Variants in SHANK1 observed in about 807,000 individuals in gnomAD.
The protein encoded by SHANK1 is SH3 and multiple ankyrin repeat domains 1.
Under a neutral mutation model 165.6 loss-of-function variants are expected in SHANK1, and 35 were observed. The observed-to-expected ratio is 0.21, with a 90% CI of 0.16 to 0.28. The LOEUF is 0.28. Among genes scored for constraint, SHANK1 ranks in the 10% least tolerant of loss-of-function variants. The probability of loss-of-function intolerance (pLI) is 1.00; values close to 1 mark genes in which losing one functional copy is unlikely to be tolerated. For missense variants in SHANK1, 2,681 were observed against 3,036.4 expected (o/e 0.88, Z 2.75); for synonymous variants, 1,428 against 1,384.8 (o/e 1.03, Z -0.69).
chr19:50,693,960 G>C (rs2123149113), intron 15 of SHANK1, among the ~76,000 whole-genome samples: 1 of 151,890 alleles, frequency 6.6e-6, no homozygotes, highest in East Asian at 1.9e-4. Flanking sequence ...CCAGGCCCAG[G>C]AGGGTGGGTG....
Position 50,695,215 on chromosome 19 carries a change from G to A in SHANK1, c.1964+1881C>T, listed in dbSNP as rs1342535589. ...GGGGAGGGGGCGCGCACCCCCTCCC[G>A]CGGGAGGGAGGGCAGGGCCGGGGGC... is the stretch of plus-strand genomic sequence containing the variant. On this transcript the variant is annotated intron_variant, in intron 15 of 23. Coordinates refer to ENST00000293441, the MANE Select transcript of SHANK1 (RefSeq NM_016148.5). Among the ~76,000 whole-genome samples the A allele has an allele frequency of 3.5e-5, 5 of 140,870 alleles. No homozygotes were observed. The South Asian group carries it at 1.1e-3, about 32-fold the overall frequency. 92.4% of individuals were successfully genotyped at this position (140,870 alleles called of 152,430 possible).
At position 50,687,645 on chromosome 19, in the gene SHANK1, G is replaced by A. The variant is rs368845485; in HGVS notation, c.2326C>T (p.Arg776Trp). The A allele has an allele frequency of 6.6e-6, 10 of 1,506,560 alleles. No individual in the cohort carries two copies. Among genetic ancestry groups the A allele is most frequent in the South Asian group, 2.7e-5 (2 of 75,092 alleles). 93.3% of individuals were successfully genotyped at this position (1,506,560 alleles called of 1,614,324 possible). Residue 776 changes from arginine to tryptophan, a missense_variant, in exon 19 of 24, where the codon CGG (arginine) becomes TGG (tryptophan). Physicochemically the swap from Arg to Trp is moderately radical, Grantham distance 101. This residue lies in a region of SHANK1 where 206 missense variants were observed against 216.0 expected (regional missense o/e 0.95). Coordinates refer to ENST00000293441, the MANE Select transcript of SHANK1 (RefSeq NM_016148.5). ...VHKKAPQQAK[R>W]LPPPTISLRS... ...AGGGAGATGGTTGGGGGCGGCAGCC[G>A]CTTGGCCTGCTGGGGTGCTGAAAAG... is the stretch of plus-strand genomic sequence containing the variant.
chr19:50,674,860 G>A (rs1466766907), intron 21 of SHANK1, among the ~76,000 whole-genome samples: 1 of 151,916 alleles, frequency 6.6e-6, no homozygotes, highest in Non-Finnish European at 1.5e-5. Context: ...TCAGGAGTTC[G>A]AAACCAGCCT....
chr19:50,669,019 C>G lies in SHANK1; in HGVS notation c.2941G>C (p.Gly981Arg). Residue 981 changes from glycine (G) to arginine (R), a missense_variant, in exon 23 of 24, where the codon GGG becomes CGG. Physicochemically the swap from Gly to Arg is moderately radical, Grantham distance 125. Around this residue, in one of 10 missense-constraint regions of SHANK1, gnomAD observed 1,713 missense variants for 1,630.2 expected, o/e 1.05. Coordinates refer to ENST00000293441, the MANE Select transcript of SHANK1 (RefSeq NM_016148.5). ...TGGTACAGGCTCTTCTCGCGGCTCCCCACGCGAGTGTCGGGAGGGGAGGGC... is the reference window on the plus strand; with the variant it reads ...TGGTACAGGCTCTTCTCGCGGCTCCGCACGCGAGTGTCGGGAGGGGAGGGC... ...DGPSPPDTRV[G>R]SREKSLYHSG... 1.2e-6 allele frequency: 1 copy of G among 852,612 alleles called. No individual in the cohort carries two copies. The highest frequency in any genetic ancestry group is 1.8e-6 in the Non-Finnish European group (1 of 570,138). 52.8% of individuals were successfully genotyped at this position (852,612 alleles called of 1,614,324 possible).
rs1194050777 is a variant in SHANK1, at chr19:50,668,092, C to T, written c.3868G>A (p.Glu1290Lys). Residue 1290 changes from glutamate (E) to lysine (K), a missense_variant, in exon 23 of 24, where the codon GAG (glutamate) becomes AAG (lysine). Physicochemically the swap from Glu to Lys is moderately conservative, Grantham distance 56. Transcript: ENST00000293441. ...PRLRHSKSID[E>K]GMFSAEPYLR... ...TAGGGCTCGGCGGAGAACATGCCCT[C>T]GTCGATGGATTTGGAGTGGCGCAGC... 2.0e-6 allele frequency: 3 copies of T among 1,480,912 alleles called. No homozygotes were observed. The highest frequency in any genetic ancestry group is 2.7e-6 in the Non-Finnish European group (3 of 1,121,134). 91.7% of individuals were successfully genotyped at this position (1,480,912 alleles called of 1,614,324 possible). A position where few individuals can be genotyped will look rare whatever the true frequency, so the allele number is the denominator to read the frequency against.
intron 4 of SHANK1, 25 bp from the exon 5 acceptor site, chr19:50,714,315 A>G: frequency 1.9e-6 from 3 of 1,603,682 alleles, no homozygotes; most frequent in Non-Finnish European, 2.6e-6. Flanking sequence ...AAGAGAGAGA[A>G]GACAGGACAG....
chr19:50,666,821 C>T lies in SHANK1; in HGVS notation c.5139G>A (p.Gly1713=). ...EGGGSAGGGG[G]AGAGVASGPE... ...GCCCACTGGCCACACCGGCCCCAGC[C>T]CCGCCCCCACCCCCTGCGCTGCCAC... is the stretch of plus-strand genomic sequence containing the variant. Residue 1713 remains glycine (G), a synonymous_variant, in exon 23 of 24, where the codon GGG becomes GGA. Transcript: ENST00000293441. 1 of 1,549,760 alleles carries T rather than the reference C, an allele frequency of 6.5e-7. No individual in the cohort carries two copies. Among genetic ancestry groups the T allele is most frequent in the Non-Finnish European group, 8.7e-7 (1 of 1,147,620 alleles).
rs977528087 is a variant in SHANK1 at position 50,717,532 on chromosome 19, A to G, written c.-43-570T>C. Among the ~76,000 whole-genome samples, 5 of 152,154 alleles carry G rather than the reference A, an allele frequency of 3.3e-5. No homozygotes were observed. Among genetic ancestry groups the G allele is most frequent in the Non-Finnish European group, 4.4e-5 (3 of 68,034 alleles). On this transcript the variant is annotated intron_variant, in intron 1 of 23. Coordinates refer to ENST00000293441, the MANE Select transcript of SHANK1 (RefSeq NM_016148.5). This position sits in a 1 kb window ranked among gnomAD's most constrained non-coding sequence, Gnocchi z 5.5. Reference sequence around the variant, plus strand: ...TCAAGTGTGGCTGACAACGCGTGGCATGCCGAATAGTGCTGGGGAATCTGC... The same window carrying G: ...TCAAGTGTGGCTGACAACGCGTGGCGTGCCGAATAGTGCTGGGGAATCTGC...
At chr19:50,707,057 C>G (rs1400034597) in intron 8 of SHANK1, among the ~76,000 whole-genome samples, 3 of 152,196 alleles carry the variant, frequency 2.0e-5, no homozygotes, top group Non-Finnish European at 4.4e-5. Context: ...GGATAACAGG[C>G]ATGAGCCACC....
intron 21 of SHANK1, among the ~76,000 whole-genome samples, chr19:50,674,242 G>C (rs1985903941): frequency 6.6e-6 from 1 of 152,056 alleles, no homozygotes; most frequent in Non-Finnish European, 1.5e-5. Context: ...TGTTCTACAA[G>C]CAAGTGTTAG....
chr19:50,695,781 G>A (rs1365359508), intron 15 of SHANK1, among the ~76,000 whole-genome samples: 2 of 152,152 alleles, frequency 1.3e-5, no homozygotes, highest in Middle Eastern at 3.4e-3. Flanking sequence ...GGGCCCCAAG[G>A]CCATGAGCAA....
chr19:50,660,901 G>A lies in SHANK1; in HGVS notation c.*1064C>T, dbSNP rs778135825. Among the ~76,000 whole-genome samples, 119 of 139,542 alleles carry A rather than the reference G, an allele frequency of 8.5e-4. No homozygotes were observed. The highest frequency in any genetic ancestry group is 5.6e-4 in the Non-Finnish European group (37 of 65,722). 91.5% of individuals were successfully genotyped at this position (139,542 alleles called of 152,430 possible). On this transcript the variant is annotated 3_prime_UTR_variant, in exon 24 of 24. Coordinates refer to ENST00000293441, the MANE Select transcript of SHANK1 (RefSeq NM_016148.5). ...TGGGAGGCAAGTGTGCAAAAGGCGT[G>A]ACCAAAAGTGACGGTGCAAAAGGGG...
chr19:50,716,954 C>G lies in SHANK1; in HGVS notation c.-35G>C. The G allele has an allele frequency of 2.1e-6, 3 of 1,414,646 alleles. No homozygotes were observed. Among genetic ancestry groups the G allele is most frequent in the Non-Finnish European group, 2.8e-6 (3 of 1,086,812 alleles). 87.6% of individuals were successfully genotyped at this position (1,414,646 alleles called of 1,614,324 possible). On this transcript the variant is annotated 5_prime_UTR_variant, in exon 2 of 24. Coordinates refer to ENST00000293441, the MANE Select transcript of SHANK1 (RefSeq NM_016148.5). The surrounding 1 kb of genome is among the most constrained non-coding windows in gnomAD (Gnocchi z 8.4). ...ACGGGGCGACGGGGGACGGCAGCAT[C>G]ACAGGCGGCTGCAGGGGCCAAGGGC...
In SHANK1 at chr19:50,689,183, C is replaced by G. The variant is rs183624816; in HGVS notation, c.2047+14G>C. The G allele has an allele frequency of 3.1e-6, 5 of 1,598,526 alleles. No homozygotes were observed. In the South Asian group the frequency reaches 4.4e-5, roughly 14 times the overall value. On this transcript the variant is annotated intron_variant, in intron 16 of 23. Transcript: ENST00000293441. ...CAGAGCCCTTCTCCCATCCCCTCCC[C>G]GGCTGGCACTCACCCTTGGCCCCCC...
At chr19:50,712,602 C>T (rs1190313688) in intron 6 of SHANK1, among the ~76,000 whole-genome samples, 2 of 152,190 alleles carry the variant, frequency 1.3e-5, no homozygotes, top group Non-Finnish European at 2.9e-5. Flanking sequence ...AGGATCGGGC[C>T]GGCCTCACTG....
chr19:50,716,590 C>G lies in SHANK1; in HGVS notation c.255+75G>C, dbSNP rs940880148. The G allele has an allele frequency of 2.6e-5, 41 of 1,556,094 alleles. No homozygotes were observed. The highest frequency in any genetic ancestry group is 3.4e-5 in the Non-Finnish European group (39 of 1,146,324). Reference sequence around the variant, plus strand: ...GTGGGGGTGATTCCTGGGAGGATACCCAGCACCAGTGGACTCCCCATGTCG... The same window carrying G: ...GTGGGGGTGATTCCTGGGAGGATACGCAGCACCAGTGGACTCCCCATGTCG... On this transcript the variant is annotated intron_variant, in intron 2 of 23. Coordinates refer to ENST00000293441, the MANE Select transcript of SHANK1 (RefSeq NM_016148.5). This position sits in a 1 kb window ranked among gnomAD's most constrained non-coding sequence, Gnocchi z 8.4.
At position 50,686,766 on chromosome 19, in the gene SHANK1, C is replaced by T. The variant is rs1264805175; in HGVS notation, c.2436G>A (p.Arg812=). ...PAPVPSMEKK[R]TVYQMALNKL... ...TACTGAGAGCCATCTGATACACGGTCCGCTTTTTCTCCATGCTGGGCACCG... is the reference window on the plus strand; with the variant it reads ...TACTGAGAGCCATCTGATACACGGTTCGCTTTTTCTCCATGCTGGGCACCG... The change falls in exon 20 of 24, where the codon CGG becomes CGA. Residue 812 remains arginine (R), a synonymous_variant. Transcript: ENST00000293441. The surrounding 1 kb of genome is among the most constrained non-coding windows in gnomAD (Gnocchi z 5.7). 1.2e-6 allele frequency: 2 copies of T among 1,613,826 alleles called. No homozygotes were observed. The highest frequency in any genetic ancestry group is 8.5e-7 in the Non-Finnish European group (1 of 1,179,818).
At position 50,665,766 on chromosome 19, in the gene SHANK1, G is replaced by C. The variant is rs529342176; in HGVS notation, c.5768+426C>G. On this transcript the variant is annotated intron_variant, in intron 23 of 23. Transcript: ENST00000293441. ...AAAAAAAAAAAAGCCAGGCATGTTGGCTCATGCCTGTAATCCCAGCACTTT... is the reference window on the plus strand; with the variant it reads ...AAAAAAAAAAAAGCCAGGCATGTTGCCTCATGCCTGTAATCCCAGCACTTT... 2.4e-3 allele frequency among the ~76,000 whole-genome samples: 269 copies of C among 114,144 alleles called. 1 individual carries two copies. The highest frequency in any genetic ancestry group is 9.3e-3 in the African/African-American group (257 of 27,492). 74.9% of individuals were successfully genotyped at this position (114,144 alleles called of 152,430 possible).
intron 23 of SHANK1, chr19:50,663,198 C>G (rs1386802211): frequency 6.2e-6 from 1 of 160,540 alleles, no homozygotes; most frequent in African/African-American, 2.4e-5. Context: ...CCAGTCGTAG[C>G]AGAGTGAAAG....
Sources: allele counts gnomAD v4.1 joint callset (sites outside exome capture counted in the v4.1 genomes callset), GRCh38; gene constraint gnomAD v4.1.1; regional missense constraint gnomAD v4.1.1; non-coding constraint Gnocchi (gnomAD v3.1); transcripts MANE v1.5; gene names NCBI Gene and HGNC (gene_info 2026-07-23, HGNC 2026-07-21).